Variants in B4GALT1 observed in about 807,000 individuals in gnomAD.
The protein encoded by B4GALT1 is N-acetyllactosamine synthase.
Under a neutral mutation model 34.9 loss-of-function variants are expected in B4GALT1, and 16 were observed. The ratio of observed to expected loss-of-function variants is 0.46; its 90% confidence interval spans 0.31 to 0.70. The LOEUF is 0.70. Ranked by LOEUF, B4GALT1 falls within the 30% of genes least tolerant of loss-of-function variation. The pLI is 0.05. For missense variants in B4GALT1, 445 were observed against 530.5 expected (o/e 0.84, Z 1.58); for synonymous variants, 221 against 218.1 (o/e 1.01, Z -0.12).
the B4GALT1 span, among the ~76,000 whole-genome samples, chr9:33,176,973 C>A: frequency 6.6e-6 from 1 of 152,072 alleles, no homozygotes; most frequent in Non-Finnish European, 1.5e-5. Flanking sequence ...CCTTAAGGCC[C>A]CATTTTACGG....
upstream of B4GALT1, among the ~76,000 whole-genome samples, chr9:33,170,169 A>G (rs1344548935): frequency 6.6e-6 from 1 of 151,182 alleles, no homozygotes; most frequent in East Asian, 2.0e-4. Context: ...ATGGGGTTTC[A>G]CCGTGTTATC....
At chr9:33,127,529 T>C (rs1274308772) in intron 2 of B4GALT1, among the ~76,000 whole-genome samples, 2 of 152,198 alleles carry the variant, frequency 1.3e-5, no homozygotes, top group African/African-American at 4.8e-5. Flanking sequence ...TCTGAAAATC[T>C]AGCCTGGGAA....
At chr9:33,114,674 A>G (rs573605856) in intron 4 of B4GALT1, among the ~76,000 whole-genome samples, 1 of 152,326 alleles carries the variant, frequency 6.6e-6, no homozygotes, top group South Asian at 2.1e-4. Context: ...GTGTTGGTCC[A>G]AGGAAAAGGA....
At chr9:33,183,381 A>G in the B4GALT1 span, among the ~76,000 whole-genome samples, 2 of 149,560 alleles carry the variant, frequency 1.3e-5, no homozygotes, top group South Asian at 4.3e-4. Flanking sequence ...CTTGGAACCA[A>G]CCCAAATGTC....
In B4GALT1 at chr9:33,111,284, A is replaced by G. The variant is rs1488249127; in HGVS notation, c.*2170T>C. On this transcript the variant is annotated 3_prime_UTR_variant, in exon 6 of 6. Coordinates refer to ENST00000379731, the MANE Select transcript of B4GALT1 (RefSeq NM_001497.4). ...AAAAAAAAAAAAAAAAAAAACAACA[A>G]GAAAAGGTAGAGTTTGGTTTTAAGA... 1.3e-5 allele frequency: 2 copies of G among 150,184 alleles called. No individual in the cohort carries two copies. Among genetic ancestry groups the G allele is most frequent in the African/African-American group, 2.5e-5 (1 of 40,692 alleles). 9.3% of individuals were successfully genotyped at this position (150,184 alleles called of 1,614,324 possible). A position where few individuals can be genotyped will look rare whatever the true frequency, so the allele number is the denominator to read the frequency against.
intron 1 of B4GALT1, among the ~76,000 whole-genome samples, chr9:33,144,141 CCCAAAGTGTT>C (rs1840392019): frequency 6.6e-6 from 1 of 152,200 alleles, no homozygotes; most frequent in Non-Finnish European, 1.5e-5. Flanking sequence ...GTCTTGGCCT[CCCAAAGTGTT>C]GGGATTACAG....
chr9:33,177,881 TCTC>T, the B4GALT1 span, among the ~76,000 whole-genome samples: 2 of 151,970 alleles, frequency 1.3e-5, no homozygotes, highest in African/African-American at 2.4e-5. Flanking sequence ...GTGTCTCACT[TCTC>T]CTCCTCCAGG....
At chr9:33,133,927 C>T (rs146867376) in intron 2 of B4GALT1, among the ~76,000 whole-genome samples, 3 of 152,366 alleles carry the variant, frequency 2.0e-5, no homozygotes, top group African/African-American at 4.8e-5. Flanking sequence ...AGAAGCCCAT[C>T]TCCCTGCAGA....
At chr9:33,167,421 C>G (rs1840785046), upstream of B4GALT1, 2 of 231,100 alleles carry the variant, frequency 8.7e-6, no homozygotes, top group African/African-American at 4.7e-5. Flanking sequence ...GCGGGGTTTT[C>G]TGGACGAGGG....
At position 33,111,276 on chromosome 9, in the gene B4GALT1, A is replaced by AAAAAAAAAAACAAC. The variant is rs1564033760; in HGVS notation, c.*2177_*2178insGTTGTTTTTTTTTT. On this transcript the variant is annotated 3_prime_UTR_variant, in exon 6 of 6. Coordinates refer to ENST00000379731, the MANE Select transcript of B4GALT1 (RefSeq NM_001497.4). ...AAAAAAAAAAAAAAAAAAAAAAAAA[A>AAAAAAAAAAACAAC]AACAACAAGAAAAGGTAGAGTTTGG... 1 of 105,932 alleles carries AAAAAAAAAAACAAC rather than the reference A, an allele frequency of 9.4e-6. No homozygotes were observed. Among genetic ancestry groups the AAAAAAAAAAACAAC allele is most frequent in the Non-Finnish European group, 2.0e-5 (1 of 49,228 alleles). 6.6% of individuals were successfully genotyped at this position (105,932 alleles called of 1,614,324 possible).
chr9:33,123,042 G>A (rs1840044044), intron 2 of B4GALT1, among the ~76,000 whole-genome samples: 1 of 151,984 alleles, frequency 6.6e-6, no homozygotes, highest in African/African-American at 2.4e-5. Flanking sequence ...ACTTTGGAAG[G>A]CCAAGGCGGT....
At chr9:33,175,367 A>G in the B4GALT1 span, among the ~76,000 whole-genome samples, 1 of 152,068 alleles carries the variant, frequency 6.6e-6, no homozygotes, top group Non-Finnish European at 1.5e-5. Flanking sequence ...TGAAACTTGG[A>G]TGGGGACTAA....
intron 1 of B4GALT1, among the ~76,000 whole-genome samples, chr9:33,156,020 T>C (rs1840588870): frequency 6.6e-6 from 1 of 152,132 alleles, no homozygotes; most frequent in African/African-American, 2.4e-5. Flanking sequence ...AACTGACTGC[T>C]GCAGAATGCA....
intron 1 of B4GALT1, among the ~76,000 whole-genome samples, chr9:33,162,428 T>C (rs1452902276): frequency 6.6e-6 from 1 of 152,202 alleles, no homozygotes; most frequent in Non-Finnish European, 1.5e-5. Context: ...TTTGTAGCTC[T>C]AGTGCCCAGC....
rs1347503201 is a variant in B4GALT1 at position 33,111,268 on chromosome 9, A to AC, written c.*2185_*2186insG. On this transcript the variant is annotated 3_prime_UTR_variant, in exon 6 of 6. Coordinates refer to ENST00000379731, the MANE Select transcript of B4GALT1 (RefSeq NM_001497.4). The stretch of plus-strand genomic sequence containing the variant: ...AGGTAACCAAAAAAAAAAAAAAAAA[A>AC]AAAAAAAAAACAACAAGAAAAGGTA... The AC allele has an allele frequency of 1.0e-4, 15 of 150,512 alleles. No individual in the cohort carries two copies. Among genetic ancestry groups the AC allele is most frequent in the African/African-American group, 2.7e-4 (11 of 40,974 alleles). The allele number at this position is 150,512 out of a possible 1,614,324, so 9.3% of individuals were successfully genotyped here. A position where few individuals can be genotyped will look rare whatever the true frequency, so the allele number is the denominator to read the frequency against.
chr9:33,165,079 T>A (rs1840729734), intron 1 of B4GALT1, among the ~76,000 whole-genome samples: 1 of 151,240 alleles, frequency 6.6e-6, no homozygotes, highest in Non-Finnish European at 1.5e-5. Flanking sequence ...TTCAAGCAAT[T>A]CTCCTGCCTC....
chr9:33,118,314 C>T (rs576191605), intron 3 of B4GALT1, among the ~76,000 whole-genome samples: 1 of 152,232 alleles, frequency 6.6e-6, no homozygotes, highest in East Asian at 1.9e-4. Flanking sequence ...CTCATGCTCC[C>T]AGCAAGGGAG....
intron 2 of B4GALT1, among the ~76,000 whole-genome samples, chr9:33,104,976 C>T (rs779381126): frequency 6.6e-6 from 1 of 151,898 alleles, no homozygotes; most frequent in Non-Finnish European, 1.5e-5. Context: ...TGTGCCACCA[C>T]GCCCAGCTAA....
chr9:33,146,071 G>A (rs1453045679), intron 1 of B4GALT1, among the ~76,000 whole-genome samples: 1 of 152,200 alleles, frequency 6.6e-6, no homozygotes, highest in Non-Finnish European at 1.5e-5. Context: ...CAAAGCCTTG[G>A]GGTCAAGAAA....
Sources: allele counts gnomAD v4.1 joint callset (sites outside exome capture counted in the v4.1 genomes callset), GRCh38; gene constraint gnomAD v4.1.1; transcripts MANE v1.5; gene names NCBI Gene and HGNC (gene_info 2026-07-23, HGNC 2026-07-21).